ESRRG: variants seen among roughly 807,000 people sequenced by gnomAD.
The protein encoded by ESRRG is estrogen related receptor gamma.
A neutral mutation model predicts 44.0 loss-of-function variants in ESRRG; 13 were observed. The ratio of observed to expected loss-of-function variants is 0.30; its 90% confidence interval spans 0.19 to 0.47. ESRRG has a LOEUF of 0.47. Among genes scored for constraint, ESRRG ranks in the 20% least tolerant of loss-of-function variants. The pLI is 1.00. For missense variants in ESRRG, 395 were observed against 580.6 expected, an observed-to-expected ratio of 0.68 and a Z score of 3.29; for synonymous variants, 215 against 214.6, an observed-to-expected ratio of 1.00 and a Z score of -0.02.
intron 4 of ESRRG, among the ~76,000 whole-genome samples, chr1:216,567,766 G>T (rs979586389): frequency 2.0e-5 from 3 of 152,110 alleles, no homozygotes; most frequent in Non-Finnish European, 2.9e-5. Context: ...TTAAAAAAAG[G>T]CTGGAGAGAG....
At chr1:216,956,309 T>A (rs1240787417) in intron 1 of ESRRG, among the ~76,000 whole-genome samples, 1 of 152,138 alleles carries the variant, frequency 6.6e-6, no homozygotes, top group African/African-American at 2.4e-5. Flanking sequence ...AGTTTACATC[T>A]TGTGGTTGCA....
chr1:216,625,828 G>A (rs1443675946), intron 3 of ESRRG, among the ~76,000 whole-genome samples: 3 of 152,130 alleles, frequency 2.0e-5, no homozygotes, highest in African/African-American at 2.4e-5. Flanking sequence ...ATTATTTTCA[G>A]TAATTATGTA....
chr1:216,883,153 G>A (rs182880172), intron 2 of ESRRG, among the ~76,000 whole-genome samples: 7 of 152,134 alleles, frequency 4.6e-5, no homozygotes, highest in African/African-American at 1.2e-4. Flanking sequence ...CGAGGCAGGC[G>A]TATCATCTGA....
intron 5 of ESRRG, among the ~76,000 whole-genome samples, chr1:216,530,161 C>T (rs6678856): frequency 0.34 from 49,572 of 147,024 alleles, 8,557 homozygotes; most frequent in Non-Finnish European, 0.35. Flanking sequence ...TAGTAACTGC[C>T]ATGGTTGCTT....
intron 1 of ESRRG, among the ~76,000 whole-genome samples, chr1:217,115,668 G>A (rs1245362247): frequency 1.3e-5 from 2 of 152,118 alleles, no homozygotes; most frequent in African/African-American, 2.4e-5. Flanking sequence ...GCACTCAAAA[G>A]TCACTGTCTC....
intron 2 of ESRRG, among the ~76,000 whole-genome samples, chr1:216,848,063 A>G (rs984148305): frequency 1.3e-5 from 2 of 152,158 alleles, no homozygotes; most frequent in African/African-American, 2.4e-5. Flanking sequence ...AGCAGCATCC[A>G]TGGTTTTTGC....
At chr1:216,538,681 C>G (rs1351227781) in intron 5 of ESRRG, among the ~76,000 whole-genome samples, 3 of 152,026 alleles carry the variant, frequency 2.0e-5, no homozygotes, top group Admixed American at 6.6e-5. Flanking sequence ...ACCCATCTTC[C>G]TATCCCTCAG....
intron 1 of ESRRG, among the ~76,000 whole-genome samples, chr1:217,114,667 C>CTTTTTTTTTTTT (rs139701773): frequency 1.9e-5 from 2 of 107,254 alleles, no homozygotes; most frequent in African/African-American, 3.7e-5. Flanking sequence ...CAAAAGATTT[C>CTTTTTTTTTTTT]TTTTTTTTTT....
intron 2 of ESRRG, among the ~76,000 whole-genome samples, chr1:216,925,400 A>G (rs1038692329): frequency 1.3e-5 from 2 of 152,060 alleles, no homozygotes; most frequent in African/African-American, 4.8e-5. Flanking sequence ...TCACGCCACC[A>G]CACTCCAGCC....
intron 2 of ESRRG, among the ~76,000 whole-genome samples, chr1:216,811,144 A>G (rs1376900718): frequency 6.6e-6 from 1 of 152,178 alleles, no homozygotes; most frequent in Non-Finnish European, 1.5e-5. Context: ...TTTAAATAAG[A>G]GATGATGGTT....
intron 1 of ESRRG, among the ~76,000 whole-genome samples, chr1:217,056,969 A>T (rs982452344): frequency 6.6e-6 from 1 of 152,126 alleles, no homozygotes; most frequent in Non-Finnish European, 1.5e-5. Context: ...AACAGCTCTC[A>T]CTGGGAGGGG....
intron 1 of ESRRG, among the ~76,000 whole-genome samples, chr1:216,718,159 C>T (rs2085315509): frequency 6.6e-6 from 1 of 151,814 alleles, no homozygotes; most frequent in Non-Finnish European, 1.5e-5. Context: ...TCTGTAAATA[C>T]CTGAAATACC....
rs56064287 is a variant in ESRRG at position 216,569,081 on chromosome 1, AAAGGAAGG to A, written c.590-991_590-984del. ...GAAAGAAAGAGAGAAAGACAGAGAGAAAGGAAGGAAGGAAGGAAGGAAGGAAGGAAGAA... is the reference window on the plus strand; with the variant it reads ...GAAAGAAAGAGAGAAAGACAGAGAGAAAGGAAGGAAGGAAGGAAGGAAGAA... On this transcript the variant is annotated intron_variant, in intron 3 of 6. Coordinates refer to ENST00000408911, the MANE Select transcript of ESRRG (RefSeq NM_001438.4). 3.8e-3 allele frequency among the ~76,000 whole-genome samples: 374 copies of A among 98,186 alleles called. 7 individuals carry two copies. Among genetic ancestry groups the A allele is most frequent in the East Asian group, 6.8e-3 (22 of 3,218 alleles). 64.4% of individuals were successfully genotyped at this position (98,186 alleles called of 152,430 possible).
At chr1:216,774,208 C>CG (rs2093500243) in intron 2 of ESRRG, among the ~76,000 whole-genome samples, 1 of 152,070 alleles carries the variant, frequency 6.6e-6, no homozygotes, top group Non-Finnish European at 1.5e-5. Context: ...GGTAATAGAA[C>CG]TGGTATTTTG....
At chr1:216,586,868 C>T (rs2063910523) in intron 3 of ESRRG, among the ~76,000 whole-genome samples, 1 of 152,128 alleles carries the variant, frequency 6.6e-6, no homozygotes, top group Non-Finnish European at 1.5e-5. Context: ...TGAGCCACCA[C>T]ATCTGGCCAA....
intron 3 of ESRRG, among the ~76,000 whole-genome samples, chr1:216,589,563 A>G (rs927036607): frequency 6.6e-6 from 1 of 152,128 alleles, no homozygotes; most frequent in African/African-American, 2.4e-5. Flanking sequence ...TAACCAGAGA[A>G]GGAAACTAAG....
chr1:216,543,008 A>T (rs2053368658), intron 5 of ESRRG, among the ~76,000 whole-genome samples: 1 of 152,054 alleles, frequency 6.6e-6, no homozygotes, highest in Admixed American at 6.6e-5. Context: ...AAGAATGCTA[A>T]AAGTTCCACA....
At chr1:217,069,203 C>G (rs1388258476) in intron 1 of ESRRG, among the ~76,000 whole-genome samples, 2 of 152,112 alleles carry the variant, frequency 1.3e-5, no homozygotes, top group East Asian at 3.9e-4. Context: ...CTAGACTGGC[C>G]TAGCCTCCCA....
chr1:216,912,272 G>GA (rs2060561067), intron 2 of ESRRG, among the ~76,000 whole-genome samples: 1 of 112,512 alleles, frequency 8.9e-6, no homozygotes. Flanking sequence ...AGAGGGGAGG[G>GA]GAGGAGAGGG....
Sources: allele counts gnomAD v4.1 joint callset (sites outside exome capture counted in the v4.1 genomes callset), GRCh38; gene constraint gnomAD v4.1.1; transcripts MANE v1.5; gene names NCBI Gene and HGNC (gene_info 2026-07-23, HGNC 2026-07-21).